The following SULF2 variants were observed in gnomAD, a reference collection of about 807,000 sequenced individuals.
SULF2 encodes extracellular sulfatase Sulf-2.
SULF2 carries 52 observed loss-of-function variants against 107.7 expected under a neutral mutation model. That is an observed-to-expected ratio of 0.48 (90% CI 0.39 to 0.61). The LOEUF (loss-of-function observed/expected upper bound fraction) is 0.61. Ranked by LOEUF, SULF2 falls within the 20% of genes least tolerant of loss-of-function variation. SULF2 has a pLI of 0.00. For missense variants in SULF2, 993 were observed against 1,177.3 expected, an observed-to-expected ratio of 0.84 and a Z score of 2.29; for synonymous variants, 460 against 464.3, an observed-to-expected ratio of 0.99 and a Z score of 0.12.
chr20:47,708,144 G>A (rs1031443146), intron 3 of SULF2, among the ~76,000 whole-genome samples: 6 of 152,176 alleles, frequency 3.9e-5, no homozygotes, highest in Admixed American at 2.6e-4. Flanking sequence ...TTCTGCCCTC[G>A]TGCAGTTGAT....
At chr20:47,689,974 A>G (rs561773301) in intron 5 of SULF2, 152 bp downstream of exon 5, 1 of 769,634 alleles carries the variant, frequency 1.3e-6, no homozygotes, top group Middle Eastern at 4.0e-4. Flanking sequence ...CAGTTTCACC[A>G]TGGACAAGCA....
intron 1 of SULF2, among the ~76,000 whole-genome samples, chr20:47,764,338 C>T (rs6063150): frequency 6.6e-6 from 1 of 152,094 alleles, no homozygotes; most frequent in African/African-American, 2.4e-5. Context: ...ACAATGCTTG[C>T]GGCATAGCAG....
At chr20:47,664,212 C>G (rs1030054276) in intron 14 of SULF2, 23 bp from the exon 15 acceptor site, 12 of 1,606,378 alleles carry the variant, frequency 7.5e-6, no homozygotes, top group Non-Finnish European at 1.0e-5. Context: ...CCCCCAGCCC[C>G]AGGCTTCAGG....
At chr20:47,762,482 CA>C (rs1183969114) in intron 1 of SULF2, among the ~76,000 whole-genome samples, 1 of 152,240 alleles carries the variant, frequency 6.6e-6, no homozygotes, top group Non-Finnish European at 1.5e-5. Flanking sequence ...GAAGCTGAGG[CA>C]CAGAGAGTTA....
chr20:47,715,288 C>T (rs540900101), intron 3 of SULF2, among the ~76,000 whole-genome samples: 60 of 152,114 alleles, frequency 3.9e-4, no homozygotes, highest in African/African-American at 1.4e-3. Context: ...GGCATCTCCC[C>T]ACACCGCCCA....
intron 4 of SULF2, among the ~76,000 whole-genome samples, chr20:47,700,894 C>A (rs1184220182): frequency 1.3e-5 from 2 of 152,130 alleles, no homozygotes; most frequent in African/African-American, 4.8e-5. Flanking sequence ...GATCCACCCG[C>A]CTCAGTCTCC....
chr20:47,663,008 G>T (rs531471078), intron 17 of SULF2, 62 bp downstream of exon 17: 38 of 1,594,774 alleles, frequency 2.4e-5, no homozygotes, highest in African/African-American at 1.9e-4. Context: ...GGTTGGGGGG[G>T]GCCTACCTGG....
At position 47,694,153 on chromosome 20, in the gene SULF2, G is replaced by A. The variant is rs546203949; in HGVS notation, c.568-3858C>T. Among the ~76,000 whole-genome samples the A allele has an allele frequency of 6.6e-6, 1 of 152,344 alleles. No homozygotes were observed. The highest frequency in any genetic ancestry group is 6.5e-5 in the Admixed American group (1 of 15,308). On this transcript the variant is annotated intron_variant, in intron 4 of 20. Transcript: ENST00000688720. The surrounding 1 kb of genome is among the most constrained non-coding windows in gnomAD (Gnocchi z 4.4). ...GTTAGTGCCAGGCCAGCCAACAAGAGCCACCCATCCCTCCGGCCACAGGGC... is the reference window on the plus strand; with the variant it reads ...GTTAGTGCCAGGCCAGCCAACAAGAACCACCCATCCCTCCGGCCACAGGGC...
Position 47,752,627 on chromosome 20 carries a change from T to C in SULF2, c.175+4562A>G, listed in dbSNP as rs74859447. ...TTAGCTGAGTGTGATGGTGCGCACCTGTAGTCCCAGCTACTTCGGGGGCTG... is the reference window on the plus strand; with the variant it reads ...TTAGCTGAGTGTGATGGTGCGCACCCGTAGTCCCAGCTACTTCGGGGGCTG... On this transcript the variant is annotated intron_variant, in intron 2 of 20. Coordinates refer to ENST00000688720, the MANE Select transcript of SULF2 (RefSeq NM_001387048.1). 5.7e-3 allele frequency among the ~76,000 whole-genome samples: 852 copies of C among 150,450 alleles called. 9 individuals are homozygous for C. Among genetic ancestry groups the C allele is most frequent in the African/African-American group, 0.02 (818 of 40,888 alleles).
intron 2 of SULF2, among the ~76,000 whole-genome samples, chr20:47,748,985 G>A (rs902291588): frequency 1.3e-5 from 2 of 150,988 alleles, no homozygotes; most frequent in Non-Finnish European, 2.9e-5. Context: ...AGATCTATTC[G>A]TGTTGCATGT....
intron 9 of SULF2, 31 bp from the exon 10 acceptor site, chr20:47,676,654 C>G: frequency 1.3e-6 from 2 of 1,547,138 alleles, no homozygotes; most frequent in Non-Finnish European, 1.7e-6. Context: ...GCCGCGGGGC[C>G]GGCCTCTCAG....
In SULF2 at chr20:47,665,132, A is replaced by G. The variant is rs1274751339; in HGVS notation, c.1997+67T>C. Reference sequence around the variant, plus strand: ...AAAAATGAAAGGGGTCAATCACGAGAGGGGATGAACTGAACTGTCCTGTAG... The same window carrying G: ...AAAAATGAAAGGGGTCAATCACGAGGGGGGATGAACTGAACTGTCCTGTAG... On this transcript the variant is annotated intron_variant, in intron 14 of 20. Coordinates refer to ENST00000688720, the MANE Select transcript of SULF2 (RefSeq NM_001387048.1). 7.1e-6 allele frequency: 7 copies of G among 982,522 alleles called. No homozygotes were observed. The East Asian group carries it at 1.4e-4, about 20-fold the overall frequency. The allele number at this position is 982,522 out of a possible 1,614,324, so 60.9% of individuals were successfully genotyped here.
intron 2 of SULF2, among the ~76,000 whole-genome samples, chr20:47,739,254 C>T (rs2089819961): frequency 6.6e-6 from 1 of 152,186 alleles, no homozygotes; most frequent in Non-Finnish European, 1.5e-5. Flanking sequence ...CATGTGAAGG[C>T]TGTGATCCCA....
intron 4 of SULF2, among the ~76,000 whole-genome samples, chr20:47,702,147 T>A (rs2088590189): frequency 6.6e-6 from 1 of 152,086 alleles, no homozygotes; most frequent in Non-Finnish European, 1.5e-5. Flanking sequence ...AGCCTCAAAC[T>A]CCCGGGCTTA....
chr20:47,688,318 G>A (rs893948404), intron 5 of SULF2, among the ~76,000 whole-genome samples: 1 of 152,200 alleles, frequency 6.6e-6, no homozygotes, highest in Non-Finnish European at 1.5e-5. Context: ...AGATGAGACA[G>A]CCTTCCAAAC....
At chr20:47,667,167 A>G (rs969457799) in intron 11 of SULF2, among the ~76,000 whole-genome samples, 27 of 152,208 alleles carry the variant, frequency 1.8e-4, no homozygotes, top group African/African-American at 6.3e-4. Flanking sequence ...GAAAAAAAGT[A>G]TCATGGATGT....
intron 4 of SULF2, among the ~76,000 whole-genome samples, chr20:47,692,544 A>G (rs2088231314): frequency 6.6e-6 from 1 of 151,906 alleles, no homozygotes; most frequent in East Asian, 1.9e-4. Context: ...CTAAGTAGCT[A>G]GGACTATAGG....
rs2087783991 is a variant in SULF2 at position 47,680,366 on chromosome 20, G to A, written c.1065-1562C>T. Reference sequence around the variant, plus strand: ...GATACATCCGCCTCAGCCTCCCAAAGTGCTGGGATTACAGGCATGAGCCAC... The same window carrying A: ...GATACATCCGCCTCAGCCTCCCAAAATGCTGGGATTACAGGCATGAGCCAC... On this transcript the variant is annotated intron_variant, in intron 7 of 20. Transcript: ENST00000688720. This position sits in a 1 kb window ranked among gnomAD's most constrained non-coding sequence, Gnocchi z 4.2. 6.6e-6 allele frequency among the ~76,000 whole-genome samples: 1 copy of A among 152,200 alleles called. No individual in the cohort carries two copies. The highest frequency in any genetic ancestry group is 1.5e-5 in the Non-Finnish European group (1 of 68,040).
chr20:47,678,451 G>A lies in SULF2; in HGVS notation c.1193+225C>T. 1 of 580,016 alleles carries A rather than the reference G, an allele frequency of 1.7e-6. No homozygotes were observed. The highest frequency in any genetic ancestry group is 3.1e-6 in the Non-Finnish European group (1 of 323,360). The allele number at this position is 580,016 out of a possible 1,614,324, so 35.9% of individuals were successfully genotyped here. ...CTTTGGGTAATTTTAGCTCAGAGAA[G>A]GTCCCCAACTGGTCACCTTGGCCAC... is the stretch of plus-strand genomic sequence containing the variant. On this transcript the variant is annotated intron_variant, in intron 8 of 20. Coordinates refer to ENST00000688720, the MANE Select transcript of SULF2 (RefSeq NM_001387048.1). This position sits in a 1 kb window ranked among gnomAD's most constrained non-coding sequence, Gnocchi z 4.5.
Sources: gnomAD v4.1 joint callset for allele counts (sites outside exome capture counted in the v4.1 genomes callset) on GRCh38, gnomAD v4.1.1 for gene constraint, Gnocchi (gnomAD v3.1) non-coding constraint, MANE v1.5 for transcripts, NCBI Gene and HGNC (gene_info 2026-07-23, HGNC 2026-07-21) for gene names.